Variants in UBE2F observed in about 807,000 individuals in gnomAD.
UBE2F encodes NEDD8-conjugating enzyme UBE2F.
A neutral mutation model predicts 29.6 loss-of-function variants in UBE2F; 5 were observed. The observed-to-expected ratio is 0.17, with a 90% CI of 0.09 to 0.36. UBE2F has a LOEUF of 0.36. Ranked by LOEUF, UBE2F falls within the 10% of genes least tolerant of loss-of-function variation. The pLI is 1.00. For missense variants in UBE2F, 141 were observed against 228.5 expected, an observed-to-expected ratio of 0.62 and a Z score of 2.47; for synonymous variants, 66 against 81.8, an observed-to-expected ratio of 0.81 and a Z score of 1.04.
At chr2:238,001,461 C>A (rs1305541963) in intron 4 of UBE2F, among the ~76,000 whole-genome samples, 2 of 152,076 alleles carry the variant, frequency 1.3e-5, no homozygotes, top group African/African-American at 4.8e-5. Context: ...TTAGAGACTT[C>A]TACAGCTAGA....
intron 2 of UBE2F, among the ~76,000 whole-genome samples, chr2:237,973,434 T>C (rs147435004): frequency 1.2e-4 from 19 of 152,364 alleles, no homozygotes; most frequent in Non-Finnish European, 2.6e-4. Context: ...TATTAGAAAC[T>C]GCAGTGTGTC....
At chr2:238,016,743 T>G in intron 5 of UBE2F, 110 bp downstream of exon 5, 2 of 807,120 alleles carry the variant, frequency 2.5e-6, no homozygotes, top group East Asian at 5.0e-5. Flanking sequence ...TGTGTCCATG[T>G]GTGACTGAGT....
intron 5 of UBE2F, among the ~76,000 whole-genome samples, chr2:238,017,726 C>T (rs758030619): frequency 2.6e-5 from 4 of 152,198 alleles, no homozygotes; most frequent in Non-Finnish European, 4.4e-5. Flanking sequence ...CGTGTTCTAA[C>T]TAACCCTCTT....
chr2:237,978,948 G>A (rs1024357145), intron 2 of UBE2F, among the ~76,000 whole-genome samples: 14 of 152,164 alleles, frequency 9.2e-5, no homozygotes, highest in Non-Finnish European at 1.5e-4. Context: ...CTGAAGTTTG[G>A]CACTGTTTCC....
At position 237,972,549 on chromosome 2, in the gene UBE2F, T is replaced by A. The variant is rs975706444; in HGVS notation, c.-16-543T>A. Among the ~76,000 whole-genome samples the A allele has an allele frequency of 2.6e-3, 379 of 143,512 alleles. 9 individuals carry two copies. The highest frequency in any genetic ancestry group is 6.0e-3 in the South Asian group (26 of 4,356). 94.1% of individuals were successfully genotyped at this position (143,512 alleles called of 152,430 possible). Reference sequence around the variant, plus strand: ...ACTCTTTTTAATTTTAAATTTTTTTTTTTTTTTTTTTTTTTTTTTGAGACA... The same window carrying A: ...ACTCTTTTTAATTTTAAATTTTTTTATTTTTTTTTTTTTTTTTTTGAGACA... On this transcript the variant is annotated intron_variant, in intron 1 of 9. Coordinates refer to ENST00000272930, the MANE Select transcript of UBE2F (RefSeq NM_080678.3).
chr2:237,981,937 A>G (rs962949000), intron 2 of UBE2F, among the ~76,000 whole-genome samples: 13 of 152,182 alleles, frequency 8.5e-5, no homozygotes, highest in South Asian at 2.1e-4. Flanking sequence ...TTAAAAATTC[A>G]GAGACCTAAG....
intron 2 of UBE2F, among the ~76,000 whole-genome samples, chr2:237,984,760 T>C (rs74381265): frequency 0.086 from 13,139 of 152,150 alleles, 703 homozygotes; most frequent in African/African-American, 0.16. Context: ...ATATTTAAGG[T>C]GTGCAACAAG....
chr2:238,009,907 C>T (rs1462088819), intron 4 of UBE2F, among the ~76,000 whole-genome samples: 2 of 152,058 alleles, frequency 1.3e-5, no homozygotes, highest in South Asian at 2.1e-4. Flanking sequence ...ATATAAATAC[C>T]ACAGATATGC....
intron 5 of UBE2F, among the ~76,000 whole-genome samples, chr2:238,019,817 A>G (rs981903702): frequency 4.0e-5 from 6 of 150,476 alleles, no homozygotes; most frequent in African/African-American, 1.5e-4. Context: ...CTGCCACCAC[A>G]CCCGGCTAAT....
At position 237,973,098 on chromosome 2, in the gene UBE2F, G is replaced by A; in HGVS notation, c.-10G>A. Reference sequence around the variant, plus strand: ...TTTCATTGCTGTCTTTCAGGGTAAAGGCAGCAGTAATGCTAACGCTAGCAA... The same window carrying A: ...TTTCATTGCTGTCTTTCAGGGTAAAAGCAGCAGTAATGCTAACGCTAGCAA... On this transcript the variant is annotated 5_prime_UTR_variant, in exon 2 of 10. Transcript: ENST00000272930. 1 of 1,608,436 alleles carries A rather than the reference G, an allele frequency of 6.2e-7. No individual in the cohort carries two copies. The highest frequency in any genetic ancestry group is 8.5e-7 in the Non-Finnish European group (1 of 1,175,446).
intron 5 of UBE2F, among the ~76,000 whole-genome samples, chr2:238,020,047 G>T (rs1324017004): frequency 6.6e-6 from 1 of 152,172 alleles, no homozygotes; most frequent in Non-Finnish European, 1.5e-5. Flanking sequence ...TGTCACTGGT[G>T]TCCCCAGCAG....
chr2:238,004,207 A>G (rs1392302859), intron 4 of UBE2F, among the ~76,000 whole-genome samples: 1 of 152,170 alleles, frequency 6.6e-6, no homozygotes, highest in Admixed American at 6.5e-5. Flanking sequence ...AAGTAGCTGC[A>G]CTATTTTGCA....
intron 4 of UBE2F, among the ~76,000 whole-genome samples, 184 bp from the exon 5 acceptor site, chr2:238,016,382 T>C (rs2064153279): frequency 6.6e-6 from 1 of 152,108 alleles, no homozygotes; most frequent in Non-Finnish European, 1.5e-5. Flanking sequence ...CCATTTCTGT[T>C]CAGGCAGGGG....
chr2:237,972,961 G>C, intron 1 of UBE2F, 131 bp from the exon 2 acceptor site: 1 of 920,522 alleles, frequency 1.1e-6, no homozygotes, highest in Non-Finnish European at 1.6e-6. Flanking sequence ...TCTTATTAAT[G>C]TGTACAAATT....
intron 4 of UBE2F, among the ~76,000 whole-genome samples, chr2:238,015,856 A>T (rs1196580483): frequency 6.6e-6 from 1 of 151,996 alleles, no homozygotes; most frequent in Non-Finnish European, 1.5e-5. Flanking sequence ...TAGTGACCCC[A>T]GGCTGGGTAC....
At chr2:237,977,126 G>T (rs907232429) in intron 2 of UBE2F, among the ~76,000 whole-genome samples, 1 of 152,246 alleles carries the variant, frequency 6.6e-6, no homozygotes, top group African/African-American at 2.4e-5. Flanking sequence ...CAACCTGGGC[G>T]CCCCTCCAGC....
At chr2:237,985,332 C>G (rs925593747) in intron 2 of UBE2F, among the ~76,000 whole-genome samples, 4 of 152,176 alleles carry the variant, frequency 2.6e-5, no homozygotes, top group South Asian at 2.1e-4. Context: ...CTTATTCATC[C>G]TATATGCCTG....
intron 5 of UBE2F, among the ~76,000 whole-genome samples, chr2:238,016,912 AG>A (rs1056996548): frequency 6.6e-6 from 1 of 152,234 alleles, no homozygotes; most frequent in African/African-American, 2.4e-5. Context: ...CTGGCACTGA[AG>A]AAAAAAAGCA....
chr2:237,975,104 A>AT (rs2063253143), intron 2 of UBE2F, among the ~76,000 whole-genome samples: 4 of 145,546 alleles, frequency 2.7e-5, no homozygotes, highest in South Asian at 2.1e-4. Context: ...ATTTCTTTAA[A>AT]ATTTTTTTTT....
Sources: gnomAD v4.1 joint callset for allele counts (sites outside exome capture counted in the v4.1 genomes callset) on GRCh38, gnomAD v4.1.1 for gene constraint, MANE v1.5 for transcripts, NCBI Gene and HGNC (gene_info 2026-07-23, HGNC 2026-07-21) for gene names.